Variants in PTK2 observed in about 807,000 individuals in gnomAD.
The protein encoded by PTK2 is protein tyrosine kinase 2.
PTK2 carries 45 observed loss-of-function variants against 150.1 expected under a neutral mutation model. The observed-to-expected ratio is 0.30, with a 90% CI of 0.24 to 0.38. PTK2 has a LOEUF of 0.38. Ranked by LOEUF, PTK2 falls within the 10% of genes least tolerant of loss-of-function variation. The pLI is 1.00. For missense variants in PTK2, 919 were observed against 1,307.3 expected, an observed-to-expected ratio of 0.70 and a Z score of 4.58; for synonymous variants, 432 against 449.2, an observed-to-expected ratio of 0.96 and a Z score of 0.48.
intron 8 of PTK2, among the ~76,000 whole-genome samples, chr8:140,825,165 G>A (rs555190274): frequency 3.9e-5 from 6 of 152,192 alleles, no homozygotes; most frequent in South Asian, 2.1e-4. Flanking sequence ...CATTAACAGC[G>A]CGTGAAGAGA....
intron 12 of PTK2, among the ~76,000 whole-genome samples, chr8:140,799,861 T>C (rs746561578): frequency 9.2e-5 from 14 of 152,228 alleles, no homozygotes; most frequent in Non-Finnish European, 1.9e-4. Flanking sequence ...CTTCACACTA[T>C]GTATGCTATT....
intron 22 of PTK2, among the ~76,000 whole-genome samples, chr8:140,727,889 A>G (rs1331532868): frequency 2.6e-5 from 4 of 152,172 alleles, no homozygotes; most frequent in African/African-American, 9.7e-5. Context: ...AGAGTACTAC[A>G]CTTTTTAGAA....
intron 1 of PTK2, among the ~76,000 whole-genome samples, chr8:140,987,958 T>A (rs1490523199): frequency 1.3e-5 from 2 of 150,156 alleles, no homozygotes; most frequent in Admixed American, 6.7e-5. Flanking sequence ...GGTCAGAGGA[T>A]CACTTGAGCC....
chr8:140,817,998 A>G (rs1292192943), intron 10 of PTK2, among the ~76,000 whole-genome samples: 1 of 152,202 alleles, frequency 6.6e-6, no homozygotes, highest in Non-Finnish European at 1.5e-5. Flanking sequence ...AAAAATTAGT[A>G]TTTAAAACTT....
intron 5 of PTK2, among the ~76,000 whole-genome samples, chr8:140,852,495 T>C (rs554972719): frequency 2.0e-5 from 3 of 152,376 alleles, no homozygotes; most frequent in South Asian, 4.1e-4. Flanking sequence ...GCAGTCTAGT[T>C]AACAGTATTC....
intron 26 of PTK2, among the ~76,000 whole-genome samples, chr8:140,694,989 C>T (rs951594081): frequency 9.9e-5 from 15 of 152,206 alleles, no homozygotes; most frequent in South Asian, 2.1e-4. Context: ...GCTTTCCATG[C>T]GGCTGTCTAA....
At chr8:140,674,431 A>G (rs1214639516) in intron 28 of PTK2, 27 bp from the exon 32 acceptor site, 1 of 1,550,582 alleles carries the variant, frequency 6.4e-7, no homozygotes, top group Non-Finnish European at 8.8e-7. Context: ...ATTCCCATTA[A>G]GTCATGTGCG....
At chr8:140,668,451 T>C in intron 29 of PTK2, 27 bp from the exon 34 acceptor site, 3 of 1,590,496 alleles carry the variant, frequency 1.9e-6, no homozygotes, top group Admixed American at 1.7e-5. Context: ...CAGTCATTTT[T>C]CTGCTCTCCA....
Position 140,803,529 on chromosome 8 carries a change from T to TA in PTK2, c.975+13dup. 2 of 1,586,346 alleles carry TA rather than the reference T, an allele frequency of 1.3e-6. No homozygotes were observed. The highest frequency in any genetic ancestry group is 1.3e-5 in the African/African-American group (1 of 74,400). ...AACCATTTTCCCTTAATGATGAACG[T>TA]AACAGTTCCTTACCTCGGGTGCACC... On this transcript the variant is annotated intron_variant, in intron 11 of 31. Coordinates refer to ENST00000522684, the Ensembl canonical transcript of PTK2.
chr8:140,723,485 G>A (rs2100044140), intron 22 of PTK2, among the ~76,000 whole-genome samples: 1 of 152,214 alleles, frequency 6.6e-6, no homozygotes, highest in Admixed American at 6.5e-5. Flanking sequence ...AGATGGAGTA[G>A]GAGGGCACAA....
rs183448807 is a variant in PTK2 at position 140,937,461 on chromosome 8, C to T, written c.-121-11712G>A. ...TATATAAAGCCTGGACATAATTACACGTGGCTTAAAGTATACTCTAATTGG... is the reference window on the plus strand; with the variant it reads ...TATATAAAGCCTGGACATAATTACATGTGGCTTAAAGTATACTCTAATTGG... On this transcript the variant is annotated intron_variant, in intron 1 of 31. Transcript: ENST00000522684. Among the ~76,000 whole-genome samples, 463 of 151,960 alleles carry T rather than the reference C, an allele frequency of 3.0e-3. 2 individuals carry two copies. Among genetic ancestry groups the T allele is most frequent in the Non-Finnish European group, 4.5e-3 (309 of 67,960 alleles).
Position 140,800,453 on chromosome 8 carries a change from C to A in PTK2, c.1093+6G>T. ...CAATTGGGAATGCTCAGAAACAGCA[C>A]CTCACCTTTCTGAGGTCTGATGATA... On this transcript the variant is annotated splice_donor_region_variant and intron_variant, in intron 12 of 31. Transcript: ENST00000522684. 1 of 1,604,760 alleles carries A rather than the reference C, an allele frequency of 6.2e-7. No homozygotes were observed. Among genetic ancestry groups the A allele is most frequent in the South Asian group, 1.1e-5 (1 of 90,884 alleles).
At chr8:140,778,388 T>C (rs1343419271) in intron 14 of PTK2, among the ~76,000 whole-genome samples, 1 of 152,152 alleles carries the variant, frequency 6.6e-6, no homozygotes, top group African/African-American at 2.4e-5. Context: ...GAAGCGGAGA[T>C]TGCAGTAAGC....
chr8:140,670,005 C>A, intron 29 of PTK2: 1 of 450,478 alleles, frequency 2.2e-6, no homozygotes, highest in Non-Finnish European at 4.0e-6. Flanking sequence ...AGGGAACATG[C>A]AAAGCCCGAG....
chr8:140,937,570 T>C (rs2100174083), intron 1 of PTK2, among the ~76,000 whole-genome samples: 1 of 143,664 alleles, frequency 7.0e-6, no homozygotes. Flanking sequence ...TCAAATGCCA[T>C]CTTTAAGTAA....
intron 19 of PTK2, among the ~76,000 whole-genome samples, chr8:140,743,777 TTTC>T (rs1412693193): frequency 2.6e-5 from 4 of 151,316 alleles, no homozygotes; most frequent in Admixed American, 2.6e-4. Context: ...TAGTTTTTCT[TTTC>T]TTTTTTTTTT....
chr8:140,856,635 A>G (rs1172584677), intron 5 of PTK2, among the ~76,000 whole-genome samples: 2 of 152,170 alleles, frequency 1.3e-5, no homozygotes, highest in Non-Finnish European at 1.5e-5. Flanking sequence ...GGGGGCAAGG[A>G]TTGACTGGGA....
intron 1 of PTK2, among the ~76,000 whole-genome samples, chr8:140,928,903 T>C (rs1391454377): frequency 6.6e-6 from 1 of 151,482 alleles, no homozygotes; most frequent in Non-Finnish European, 1.5e-5. Flanking sequence ...GTAAGTACAC[T>C]TAAAAACTGG....
rs766344980 is a variant in PTK2 at position 140,800,436 on chromosome 8, A to C, written c.1093+23T>G. 7 of 1,572,956 alleles carry C rather than the reference A, an allele frequency of 4.5e-6. No individual in the cohort carries two copies. The African/African-American group carries it at 9.5e-5, about 21-fold the overall frequency. On this transcript the variant is annotated intron_variant, in intron 12 of 31. Transcript: ENST00000522684. ...AATATTTGGTAGAAGCGCAATTGGGAATGCTCAGAAACAGCACCTCACCTT... is the reference window on the plus strand; with the variant it reads ...AATATTTGGTAGAAGCGCAATTGGGCATGCTCAGAAACAGCACCTCACCTT...
Sources: gnomAD v4.1 joint callset for allele counts (sites outside exome capture counted in the v4.1 genomes callset) on GRCh38, gnomAD v4.1.1 for gene constraint, MANE v1.5 for transcripts, NCBI Gene and HGNC (gene_info 2026-07-23, HGNC 2026-07-21) for gene names.